The following PTPRQ variants were observed in gnomAD, a reference collection of about 807,000 sequenced individuals.
PTPRQ encodes phosphatidylinositol phosphatase PTPRQ.
A neutral mutation model predicts 246.0 loss-of-function variants in PTPRQ; 199 were observed. That is an observed-to-expected ratio of 0.81 (90% CI 0.72 to 0.91). The LOEUF is 0.91. PTPRQ is among the 40% of genes least tolerant of loss of function. The probability of loss-of-function intolerance (pLI) is 0.00; values close to 1 mark genes in which losing one functional copy is unlikely to be tolerated. For missense variants in PTPRQ, 2,624 were observed against 2,528.4 expected (o/e 1.04, Z -0.81); for synonymous variants, 869 against 853.2 (o/e 1.02, Z -0.32).
At chr12:80,580,030 T>A (rs1897386944) in intron 25 of PTPRQ, among the ~76,000 whole-genome samples, 1 of 152,170 alleles carries the variant, frequency 6.6e-6, no homozygotes, top group South Asian at 2.1e-4. Context: ...TCCAGGTCAA[T>A]GAGAAGTCAA....
At chr12:80,583,407 G>C (rs1423877709) in intron 25 of PTPRQ, among the ~76,000 whole-genome samples, 1 of 152,042 alleles carries the variant, frequency 6.6e-6, no homozygotes, top group African/African-American at 2.4e-5. Context: ...TATAATGTTG[G>C]GGTGATGTGG....
At chr12:80,550,975 C>T (rs138961824) in intron 25 of PTPRQ, among the ~76,000 whole-genome samples, 32 of 152,210 alleles carry the variant, frequency 2.1e-4, no homozygotes, top group Admixed American at 1.2e-3. Context: ...TTTATGCCCT[C>T]CAGATATCTT....
At chr12:80,647,888 T>TGG (rs143515528) in intron 35 of PTPRQ, among the ~76,000 whole-genome samples, 1 of 151,948 alleles carries the variant, frequency 6.6e-6, no homozygotes, top group Non-Finnish European at 1.5e-5. Flanking sequence ...TCTTTCTGCT[T>TGG]GGGGGGCACC....
chr12:80,585,096 C>T (rs1428481713), intron 25 of PTPRQ, among the ~76,000 whole-genome samples: 2 of 151,822 alleles, frequency 1.3e-5, no homozygotes, highest in African/African-American at 2.4e-5. Context: ...AGAATCCAGA[C>T]TCAAGCTTCT....
At chr12:80,676,369 G>T (rs568308186) in intron 43 of PTPRQ, among the ~76,000 whole-genome samples, 4 of 152,190 alleles carry the variant, frequency 2.6e-5, no homozygotes, top group Non-Finnish European at 4.4e-5. Context: ...GGCACTGGGT[G>T]CGGTGGCTTA....
intron 26 of PTPRQ, among the ~76,000 whole-genome samples, chr12:80,596,925 G>A (rs1897988587): frequency 2.6e-5 from 4 of 151,976 alleles, no homozygotes; most frequent in Admixed American, 2.6e-4. Flanking sequence ...TTTGCTATGT[G>A]CTGGTACTAT....
At chr12:80,461,609 A>G (rs1893170834) in intron 6 of PTPRQ, among the ~76,000 whole-genome samples, 1 of 150,640 alleles carries the variant, frequency 6.6e-6, no homozygotes, top group Non-Finnish European at 1.5e-5. Flanking sequence ...TAAGGTATTT[A>G]TTATATATAT....
chr12:80,671,070 C>T (rs1432118031), intron 42 of PTPRQ, among the ~76,000 whole-genome samples: 1 of 151,786 alleles, frequency 6.6e-6, no homozygotes, highest in Non-Finnish European at 1.5e-5. Context: ...AAATACTGTA[C>T]ATAAGAAAAG....
At chr12:80,646,567 A>G (rs1289615560) in intron 35 of PTPRQ, among the ~76,000 whole-genome samples, 2 of 152,182 alleles carry the variant, frequency 1.3e-5, no homozygotes, top group African/African-American at 4.8e-5. Context: ...TTACCCTCCG[A>G]TGCTTCTAGC....
rs1214318812 is a variant in PTPRQ, at chr12:80,609,249, A to G, written c.4732-1190A>G. Among the ~76,000 whole-genome samples the G allele has an allele frequency of 4.7e-5, 7 of 150,398 alleles. No individual in the cohort carries two copies. In the South Asian group the frequency reaches 1.5e-3, roughly 31 times the overall value. The stretch of plus-strand genomic sequence containing the variant: ...TAAATGAGTTTCCAGGACAACATTT[A>G]CAATATAGTTATACCATATGCAAAT... On this transcript the variant is annotated intron_variant, in intron 27 of 44. Transcript: ENST00000644991.
chr12:80,516,666 A>G (rs1895308777), intron 17 of PTPRQ, among the ~76,000 whole-genome samples: 1 of 152,216 alleles, frequency 6.6e-6, no homozygotes, highest in South Asian at 2.1e-4. Flanking sequence ...GAATCCTAAA[A>G]AAGTATACCT....
intron 17 of PTPRQ, among the ~76,000 whole-genome samples, chr12:80,517,409 G>T (rs1483293347): frequency 6.6e-6 from 1 of 151,864 alleles, no homozygotes; most frequent in Non-Finnish European, 1.5e-5. Context: ...TATTTATGGG[G>T]TACATGAGAT....
At position 80,449,698 on chromosome 12, in the gene PTPRQ, T is replaced by C. The variant is rs1892683156; in HGVS notation, c.390+3981T>C. On this transcript the variant is annotated intron_variant, in intron 3 of 44. Coordinates refer to ENST00000644991, the MANE Select transcript of PTPRQ (RefSeq NM_001145026.2). Reference sequence around the variant, plus strand: ...ATCAGATAGTTGTAGATATGCGGCATGATTTCGGAGGGCTCTGTTCTGTTC... The same window carrying C: ...ATCAGATAGTTGTAGATATGCGGCACGATTTCGGAGGGCTCTGTTCTGTTC... Among the ~76,000 whole-genome samples, 3 of 152,212 alleles carry C rather than the reference T, an allele frequency of 2.0e-5. 1 individual carries two copies. The South Asian group carries it at 6.2e-4, about 32-fold the overall frequency.
chr12:80,444,531 T>A, intron 1 of PTPRQ, 132 bp downstream of exon 1: 1 of 708,796 alleles, frequency 1.4e-6, no homozygotes, highest in Non-Finnish European at 2.4e-6. Flanking sequence ...GATAACGCAG[T>A]ACGTTTTGTA....
In PTPRQ at chr12:80,494,841, C is replaced by T. The variant is rs1174229298; in HGVS notation, c.1541-92C>T. ...GAGAGATTAATGAATACGGAGAAAT[C>T]AGGTTTAAGATTTTATAGTCTAAGA... On this transcript the variant is annotated intron_variant, in intron 10 of 44. Transcript: ENST00000644991. The T allele has an allele frequency of 5.3e-6, 7 of 1,324,826 alleles. No individual in the cohort carries two copies. In the Admixed American group the frequency reaches 1.2e-4, roughly 23 times the overall value. The allele number at this position is 1,324,826 out of a possible 1,614,324, so 82.1% of individuals were successfully genotyped here. A position where few individuals can be genotyped will look rare whatever the true frequency, so the allele number is the denominator to read the frequency against.
At chr12:80,642,923 A>C (rs952998252) in intron 35 of PTPRQ, among the ~76,000 whole-genome samples, 2 of 103,042 alleles carry the variant, frequency 1.9e-5, no homozygotes, top group Admixed American at 1.0e-4. Context: ...CCGTCTTAAA[A>C]AAAAAAAAAA....
At chr12:80,620,077 T>C (rs1898920125) in intron 31 of PTPRQ, 77 bp from the exon 32 acceptor site, 2 of 1,448,138 alleles carry the variant, frequency 1.4e-6, no homozygotes, top group Non-Finnish European at 1.8e-6. Flanking sequence ...TATACAATTA[T>C]AAAAACACTA....
rs1897719653 is a variant in PTPRQ, at chr12:80,589,426, CTT to C, written c.4609+976_4609+977del. Reference sequence around the variant, plus strand: ...TCATCTTCCTATCTTGACTGAGACTCTTTAAAGGGGATTCCTTTCAAATCCAA... The same window carrying C: ...TCATCTTCCTATCTTGACTGAGACTCTAAAGGGGATTCCTTTCAAATCCAA... On this transcript the variant is annotated intron_variant, in intron 26 of 44. Coordinates refer to ENST00000644991, the MANE Select transcript of PTPRQ (RefSeq NM_001145026.2). 2.6e-5 allele frequency among the ~76,000 whole-genome samples: 4 copies of C among 152,138 alleles called. No individual in the cohort carries two copies. The South Asian group carries it at 8.3e-4, about 31-fold the overall frequency.
chr12:80,630,202 T>C (rs532353124), intron 33 of PTPRQ, among the ~76,000 whole-genome samples: 4 of 152,292 alleles, frequency 2.6e-5, no homozygotes, highest in Non-Finnish European at 4.4e-5. Context: ...TTGTTCTGTT[T>C]CTTCTATTAT....
Sources: gnomAD v4.1 joint callset for allele counts (sites outside exome capture counted in the v4.1 genomes callset) on GRCh38, gnomAD v4.1.1 for gene constraint, MANE v1.5 for transcripts, NCBI Gene and HGNC (gene_info 2026-07-23, HGNC 2026-07-21) for gene names.